SPMIP11: variants seen among roughly 807,000 people sequenced by gnomAD.
The protein encoded by SPMIP11 is long intergenic non-protein coding RNA 935.
At chr12:48,758,484 C>T in the SPMIP11 span, among the ~76,000 whole-genome samples, 6 of 152,200 alleles carry the variant, frequency 3.9e-5, no homozygotes, top group East Asian at 1.9e-4. Context: ...AAATCTGAAA[C>T]GGATGTGTTT....
At chr12:48,727,565 G>A in the SPMIP11 span, 2 of 702,724 alleles carry the variant, frequency 2.8e-6, no homozygotes, top group African/African-American at 1.7e-5. Flanking sequence ...AACAAGTAAG[G>A]GGAATATAGG....
chr12:48,733,206 C>G, the SPMIP11 span, among the ~76,000 whole-genome samples: 1 of 150,698 alleles, frequency 6.6e-6, no homozygotes, highest in African/African-American at 2.4e-5. Context: ...TCCCGAGTAG[C>G]TGGTATTACA....
At chr12:48,728,409 G>A in the SPMIP11 span, among the ~76,000 whole-genome samples, 8 of 152,264 alleles carry the variant, frequency 5.3e-5, no homozygotes, top group African/African-American at 1.7e-4. Context: ...GATGATTGGC[G>A]TTCACTAAAA....
chr12:48,763,030 T>C, the SPMIP11 span, among the ~76,000 whole-genome samples: 1 of 151,704 alleles, frequency 6.6e-6, no homozygotes, highest in Non-Finnish European at 1.5e-5. Context: ...GGTTTCCCCG[T>C]ATTATTCATT....
At chr12:48,766,614 G>A in the SPMIP11 span, 1 of 152,656 alleles carries the variant, frequency 6.6e-6, no homozygotes, top group Admixed American at 6.5e-5. Context: ...CTTCTGCCAT[G>A]ACTAATGAAG....
chr12:48,762,787 A>T, the SPMIP11 span, among the ~76,000 whole-genome samples: 2 of 152,150 alleles, frequency 1.3e-5, no homozygotes, highest in Admixed American at 1.3e-4. Flanking sequence ...TGGTGATGGA[A>T]CTGTTCTGTA....
the SPMIP11 span, among the ~76,000 whole-genome samples, chr12:48,744,992 C>T: frequency 2.0e-5 from 3 of 151,904 alleles, no homozygotes; most frequent in African/African-American, 7.3e-5. Context: ...TTAAAGAGGC[C>T]GGGCGTGGTG....
chr12:48,730,328 A>C, the SPMIP11 span, among the ~76,000 whole-genome samples: 1 of 152,132 alleles, frequency 6.6e-6, no homozygotes, highest in Admixed American at 6.6e-5. Flanking sequence ...CAGAGGCAGG[A>C]GGTTTGGCCA....
chr12:48,754,064 C>T, the SPMIP11 span, among the ~76,000 whole-genome samples: 1 of 152,086 alleles, frequency 6.6e-6, no homozygotes, highest in Non-Finnish European at 1.5e-5. Context: ...AGCCACTGAG[C>T]CCCTCTGCCT....
the SPMIP11 span, among the ~76,000 whole-genome samples, chr12:48,732,601 C>G: frequency 6.6e-6 from 1 of 151,802 alleles, no homozygotes; most frequent in Non-Finnish European, 1.5e-5. Context: ...GAAACCCCGT[C>G]TCTACTAAAA....
chr12:48,738,864 G>C, the SPMIP11 span, among the ~76,000 whole-genome samples: 2 of 152,000 alleles, frequency 1.3e-5, no homozygotes, highest in Non-Finnish European at 2.9e-5. Context: ...ACTTCTTGAG[G>C]GGAGGTATAT....
chr12:48,771,162 G>A, the SPMIP11 span: 3 of 608,010 alleles, frequency 4.9e-6, no homozygotes, highest in Non-Finnish European at 8.7e-6. The surrounding 1 kb of genome is among the most constrained non-coding windows in gnomAD (Gnocchi z 4.3). Context: ...GGCAGGACTT[G>A]GGCATACAGC....
chr12:48,755,477 C>T, the SPMIP11 span, among the ~76,000 whole-genome samples: 30 of 152,326 alleles, frequency 2.0e-4, no homozygotes, highest in African/African-American at 7.2e-4. Context: ...GTAGCTGTGG[C>T]ATGATTCTTT....
At chr12:48,763,820 AG>A in the SPMIP11 span, among the ~76,000 whole-genome samples, 1 of 151,686 alleles carries the variant, frequency 6.6e-6, no homozygotes, top group Non-Finnish European at 1.5e-5. Flanking sequence ...CTGCGATTAC[AG>A]GCACCCCCCA....
the SPMIP11 span, chr12:48,767,635 C>T: frequency 1.3e-5 from 2 of 152,696 alleles, no homozygotes; most frequent in Admixed American, 6.5e-5. Context: ...CATGCCCTGA[C>T]CCTTTTCTAT....
At chr12:48,756,779 CTTTT>C in the SPMIP11 span, among the ~76,000 whole-genome samples, 1 of 141,040 alleles carries the variant, frequency 7.1e-6, no homozygotes. Flanking sequence ...TTCTTTTTTT[CTTTT>C]TTTTTTTTTT....
the SPMIP11 span, among the ~76,000 whole-genome samples, chr12:48,762,305 A>T: frequency 1.5e-4 from 16 of 108,284 alleles, no homozygotes; most frequent in African/African-American, 5.8e-4. Context: ...TGATCCGCCC[A>T]CCTCGGCCTC....
chr12:48,751,181 G>A, the SPMIP11 span, among the ~76,000 whole-genome samples: 2 of 152,086 alleles, frequency 1.3e-5, no homozygotes, highest in Non-Finnish European at 2.9e-5. Context: ...ACTCACAGAG[G>A]TGAGTCAACA....
the SPMIP11 span, among the ~76,000 whole-genome samples, chr12:48,741,097 G>A: frequency 7.0e-6 from 1 of 142,414 alleles, no homozygotes; most frequent in South Asian, 2.2e-4. Context: ...TTTTGAGATG[G>A]AGTTTTGCTC....
Sources: gnomAD v4.1 joint callset for allele counts (sites outside exome capture counted in the v4.1 genomes callset) on GRCh38, gnomAD v4.1.1 for gene constraint, Gnocchi (gnomAD v3.1) non-coding constraint, MANE v1.5 for transcripts, NCBI Gene and HGNC (gene_info 2026-07-23, HGNC 2026-07-21) for gene names.